PTPRT: variants seen among roughly 807,000 people sequenced by gnomAD.
PTPRT encodes the protein protein tyrosine phosphatase receptor type T, also known as receptor-type tyrosine-protein phosphatase T.
In PTPRT, 56 loss-of-function variants were observed where a neutral mutation model predicts 176.8. The observed-to-expected ratio is 0.32, with a 90% confidence interval of 0.26 to 0.40. PTPRT has a LOEUF of 0.40. PTPRT is among the 10% of genes least tolerant of loss of function. PTPRT has a pLI of 1.00. For synonymous variants in PTPRT, 783 were observed against 739.0 expected, an observed-to-expected ratio of 1.06 and a Z score of -0.96; for missense variants, 1,540 against 1,908.2, an observed-to-expected ratio of 0.81 and a Z score of 3.60.
intron 13 of PTPRT, among the ~76,000 whole-genome samples, chr20:42,263,027 T>C (rs2056775904): frequency 6.6e-6 from 1 of 151,714 alleles, no homozygotes; most frequent in African/African-American, 2.4e-5. Context: ...GAGAGGAGAG[T>C]GTGAGAAGGC....
chr20:42,271,739 C>T (rs2056939157), intron 13 of PTPRT, among the ~76,000 whole-genome samples: 1 of 152,156 alleles, frequency 6.6e-6, no homozygotes, highest in African/African-American at 2.4e-5. Context: ...CACCCCTCAC[C>T]TCTCTAAAGA....
intron 15 of PTPRT, among the ~76,000 whole-genome samples, chr20:42,206,555 G>A (rs1199696106): frequency 3.9e-5 from 6 of 152,202 alleles, no homozygotes; most frequent in Non-Finnish European, 5.9e-5. Flanking sequence ...ACTCCCACCC[G>A]AATACTGCGC....
At position 42,885,797 on chromosome 20, in the gene PTPRT, G is replaced by T; in HGVS notation, c.214+10C>A. 1.2e-6 allele frequency: 2 copies of T among 1,600,418 alleles called. No homozygotes were observed. Among genetic ancestry groups the T allele is most frequent in the Non-Finnish European group, 1.7e-6 (2 of 1,171,368 alleles). ...CCCCATTACAGCCCCAAACATGATG[G>T]ATCACATACCTGTGGGCACTGCCTG... On this transcript the variant is annotated intron_variant, in intron 2 of 30. Transcript: ENST00000373187.
chr20:42,340,819 TG>T (rs73624005), intron 11 of PTPRT, among the ~76,000 whole-genome samples: 14,060 of 151,232 alleles, frequency 0.093, 976 homozygotes, highest in East Asian at 0.35. Context: ...CCCAGAACAG[TG>T]GGAGAAGTAA....
At chr20:42,673,408 CG>C (rs1240518527) in intron 7 of PTPRT, among the ~76,000 whole-genome samples, 2 of 152,186 alleles carry the variant, frequency 1.3e-5, no homozygotes, top group African/African-American at 4.8e-5. Context: ...TTTATTACGT[CG>C]GGGGACAGGT....
rs528683601 is a variant in PTPRT, at chr20:42,236,287, GA to G, written c.2313-30del. Reference sequence around the variant, plus strand: ...TATATTGATGGGCAGTCAGATGAAGGAAATGTCCAAAATGGGGGAAAAAGAA... The same window carrying G: ...TATATTGATGGGCAGTCAGATGAAGGAATGTCCAAAATGGGGGAAAAAGAA... On this transcript the variant is annotated intron_variant, in intron 14 of 30. Transcript: ENST00000373187. 249 of 1,545,002 alleles carry G rather than the reference GA, an allele frequency of 1.6e-4. No individual in the cohort carries two copies. In the African/African-American group the frequency reaches 3.0e-3, roughly 19 times the overall value.
At chr20:42,191,465 A>G (rs1048154250) in intron 16 of PTPRT, among the ~76,000 whole-genome samples, 2 of 152,252 alleles carry the variant, frequency 1.3e-5, no homozygotes, top group Non-Finnish European at 2.9e-5. Flanking sequence ...GTAGAGGGTC[A>G]TGGTTGTCTT....
At chr20:42,973,769 C>T (rs2146071237) in intron 1 of PTPRT, among the ~76,000 whole-genome samples, 1 of 152,320 alleles carries the variant, frequency 6.6e-6, no homozygotes, top group South Asian at 2.1e-4. Flanking sequence ...AAAGTATGCT[C>T]ACACACCTGC....
At chr20:43,058,267 CAA>C (rs1253609603) in intron 1 of PTPRT, among the ~76,000 whole-genome samples, 1 of 150,372 alleles carries the variant, frequency 6.7e-6, no homozygotes, top group African/African-American at 2.5e-5. Context: ...GACAGAGAGA[CAA>C]AGAGATATGA....
intron 23 of PTPRT, among the ~76,000 whole-genome samples, 158 bp from the exon 24 acceptor site, chr20:42,107,079 T>C (rs988204050): frequency 1.3e-5 from 2 of 152,238 alleles, no homozygotes; most frequent in Non-Finnish European, 1.5e-5. Context: ...TTGTAATGCA[T>C]GTGCAAACCA....
intron 16 of PTPRT, among the ~76,000 whole-genome samples, chr20:42,198,753 AC>A (rs375804796): frequency 1.3e-5 from 2 of 152,028 alleles, no homozygotes; most frequent in African/African-American, 4.8e-5. Context: ...TAAATATGTA[AC>A]TCATCAGCCA....
rs35777975 is a variant in PTPRT, at chr20:42,450,365, T to C, written c.1451-2036A>G. The stretch of plus-strand genomic sequence containing the variant: ...TTCTGGACTCCCCAACAGAAGACTA[T>C]GTCTGTTCTTGCCAACACTGACTAT... On this transcript the variant is annotated intron_variant, in intron 8 of 30. Coordinates refer to ENST00000373187, the MANE Select transcript of PTPRT (RefSeq NM_007050.6). Among the ~76,000 whole-genome samples the C allele has an allele frequency of 5.8e-3, 883 of 152,360 alleles. 7 individuals carry two copies. Among genetic ancestry groups the C allele is most frequent in the Middle Eastern group, 0.01 (3 of 294 alleles).
intron 9 of PTPRT, among the ~76,000 whole-genome samples, chr20:42,443,836 C>A (rs563857888): frequency 6.6e-6 from 1 of 152,218 alleles, no homozygotes; most frequent in Non-Finnish European, 1.5e-5. Context: ...ACTTTCACAT[C>A]TTCTGCTCAG....
intron 19 of PTPRT, among the ~76,000 whole-genome samples, chr20:42,120,496 G>T (rs1289536983): frequency 6.6e-6 from 1 of 152,228 alleles, no homozygotes. Context: ...CCTGGGCTTG[G>T]AATTGAAGTC....
At chr20:43,076,470 C>A (rs1468506646) in intron 1 of PTPRT, among the ~76,000 whole-genome samples, 1 of 151,930 alleles carries the variant, frequency 6.6e-6, no homozygotes, top group Non-Finnish European at 1.5e-5. Flanking sequence ...GCCTAATGAG[C>A]CTGCTTTTTA....
At position 42,907,126 on chromosome 20, in the gene PTPRT, GGAAA is replaced by G. The variant is rs1281761602; in HGVS notation, c.89-21198_89-21195del. 8.6e-5 allele frequency among the ~76,000 whole-genome samples: 13 copies of G among 152,044 alleles called. No homozygotes were observed. In the East Asian group the frequency reaches 2.5e-3, roughly 29 times the overall value. On this transcript the variant is annotated intron_variant, in intron 1 of 30. Coordinates refer to ENST00000373187, the MANE Select transcript of PTPRT (RefSeq NM_007050.6). ...GTAAATGAAAAAAATGAATACAGTA[GGAAA>G]GAAAAAGAAATCATCATAAACATTT...
At chr20:42,736,938 C>G (rs2076549620) in intron 6 of PTPRT, among the ~76,000 whole-genome samples, 1 of 152,246 alleles carries the variant, frequency 6.6e-6, no homozygotes, top group East Asian at 1.9e-4. Flanking sequence ...TCTGTATGGG[C>G]ATAAAAGGAG....
At chr20:43,048,604 G>C (rs552962361) in intron 1 of PTPRT, among the ~76,000 whole-genome samples, 10 of 152,252 alleles carry the variant, frequency 6.6e-5, no homozygotes, top group Non-Finnish European at 1.5e-4. Flanking sequence ...ATTTGAGAGA[G>C]GCTAAGGGGA....
intron 9 of PTPRT, among the ~76,000 whole-genome samples, chr20:42,365,576 G>A (rs1231487468): frequency 2.6e-5 from 4 of 151,596 alleles, no homozygotes; most frequent in African/African-American, 9.7e-5. Flanking sequence ...CCGGTCTTTT[G>A]GATTCCCCGG....
Sources: allele counts gnomAD v4.1 joint callset (sites outside exome capture counted in the v4.1 genomes callset), GRCh38; gene constraint gnomAD v4.1.1; transcripts MANE v1.5; gene names NCBI Gene and HGNC (gene_info 2026-07-23, HGNC 2026-07-21).